ARL5A: variants seen among roughly 807,000 people sequenced by gnomAD.
ARL5A encodes the protein ARF like GTPase 5A.
Under a neutral mutation model 25.9 loss-of-function variants are expected in ARL5A, and 18 were observed. The observed-to-expected ratio is 0.69, with a 90% CI of 0.48 to 1.03. The LOEUF is 1.03. ARL5A is among the 50% of genes least tolerant of loss of function. The probability of loss-of-function intolerance (pLI) is 0.00; values close to 1 mark genes in which losing one functional copy is unlikely to be tolerated. For synonymous variants in ARL5A, 61 were observed against 67.5 expected, an observed-to-expected ratio of 0.90 and a Z score of 0.47; for missense variants, 170 against 211.9, an observed-to-expected ratio of 0.80 and a Z score of 1.23.
intron 1 of ARL5A, among the ~76,000 whole-genome samples, chr2:151,826,360 T>G (rs1189695997): frequency 6.6e-6 from 1 of 152,194 alleles, no homozygotes; most frequent in Non-Finnish European, 1.5e-5. Context: ...AAATACAGGT[T>G]ATAAAAACAC....
chr2:151,828,330 C>G lies in ARL5A; in HGVS notation c.-154G>C, dbSNP rs866931636. 3.2e-6 allele frequency: 2 copies of G among 631,564 alleles called. No individual in the cohort carries two copies. Among genetic ancestry groups the G allele is most frequent in the Non-Finnish European group, 5.1e-6 (2 of 390,650 alleles). 39.1% of individuals were successfully genotyped at this position (631,564 alleles called of 1,614,324 possible). A position where few individuals can be genotyped will look rare whatever the true frequency, so the allele number is the denominator to read the frequency against. The stretch of plus-strand genomic sequence containing the variant: ...CCGCTTCCAGGGAACCGGAGGGAGG[C>G]CGAAGCCCAGGCCGCCCTGCCGCGC... On this transcript the variant is annotated 5_prime_UTR_variant, in exon 1 of 6. Transcript: ENST00000295087.
intron 2 of ARL5A, 51 bp from the exon 3 acceptor site, chr2:151,814,367 TTG>T: frequency 7.1e-7 from 1 of 1,410,396 alleles, no homozygotes; most frequent in African/African-American, 1.5e-5. Context: ...GCTAACTTGC[TTG>T]AACAATTTTT....
chr2:151,808,930 C>T (rs1317446225), intron 4 of ARL5A, among the ~76,000 whole-genome samples: 4 of 152,168 alleles, frequency 2.6e-5, no homozygotes, highest in Non-Finnish European at 4.4e-5. Context: ...CACCTGTACT[C>T]TCAGCTACTT....
chr2:151,809,750 G>A (rs2099830574), intron 4 of ARL5A, among the ~76,000 whole-genome samples: 1 of 152,136 alleles, frequency 6.6e-6, no homozygotes, highest in Non-Finnish European at 1.5e-5. Flanking sequence ...CATTTACTTA[G>A]CATCTTCTAT....
At chr2:151,820,794 G>A (rs72868004) in intron 1 of ARL5A, among the ~76,000 whole-genome samples, 6,076 of 151,560 alleles carry the variant, frequency 0.04, 193 homozygotes, top group Non-Finnish European at 0.061. Context: ...GGCCGGGAAA[G>A]AAATCCAGTC....
chr2:151,806,666 A>T (rs2099830156), intron 5 of ARL5A, among the ~76,000 whole-genome samples, 155 bp downstream of exon 5: 1 of 152,190 alleles, frequency 6.6e-6, no homozygotes, highest in African/African-American at 2.4e-5. Flanking sequence ...GAACCACCCT[A>T]AAAAGTCTCT....
At chr2:151,818,399 C>G (rs112210950) in intron 1 of ARL5A, among the ~76,000 whole-genome samples, 295 of 152,310 alleles carry the variant, frequency 1.9e-3, no homozygotes, top group African/African-American at 6.8e-3. Flanking sequence ...CCACCTCACC[C>G]TCCTGAGTAG....
At chr2:151,808,299 C>A (rs2099830353) in intron 4 of ARL5A, among the ~76,000 whole-genome samples, 2 of 152,094 alleles carry the variant, frequency 1.3e-5, no homozygotes, top group South Asian at 4.1e-4. Flanking sequence ...AGGGATTTTA[C>A]TGAGATATTT....
At chr2:151,820,788 G>A (rs1432907340) in intron 1 of ARL5A, among the ~76,000 whole-genome samples, 2 of 151,892 alleles carry the variant, frequency 1.3e-5, no homozygotes, top group Non-Finnish European at 2.9e-5. Flanking sequence ...AATTTGGGCC[G>A]GGAAAGAAAT....
intron 1 of ARL5A, among the ~76,000 whole-genome samples, chr2:151,818,651 C>T (rs150401441): frequency 7.9e-4 from 121 of 152,310 alleles, no homozygotes; most frequent in African/African-American, 2.6e-3. Flanking sequence ...GGTACCTTTG[C>T]ACCTAGAAAG....
intron 4 of ARL5A, 32 bp downstream of exon 4, chr2:151,812,325 C>T (rs2099830953): frequency 7.0e-7 from 1 of 1,426,350 alleles, no homozygotes; most frequent in African/African-American, 1.4e-5. Flanking sequence ...ATACCCTTCC[C>T]CATATCTAAT....
chr2:151,819,315 G>A (rs1030813884), intron 1 of ARL5A, among the ~76,000 whole-genome samples: 7 of 152,162 alleles, frequency 4.6e-5, no homozygotes, highest in African/African-American at 1.7e-4. Flanking sequence ...ATTGCTTTCA[G>A]AGCCTGAGGT....
rs72621645 is a variant in ARL5A at position 151,815,326 on chromosome 2, C to T, written c.47-127G>A. 8.9e-4 allele frequency: 633 copies of T among 709,044 alleles called. 7 individuals are homozygous for T. The East Asian group carries it at 0.018, about 20-fold the overall frequency. The allele number at this position is 709,044 out of a possible 1,614,324, so 43.9% of individuals were successfully genotyped here. On this transcript the variant is annotated intron_variant, in intron 1 of 5. Transcript: ENST00000295087. ...ATAATTCAGTGCATGGCACTTTATA[C>T]TTTCTCAGAAGTCAAAAGAACATCC...
At chr2:151,822,022 G>T (rs1412778421) in intron 1 of ARL5A, among the ~76,000 whole-genome samples, 1 of 151,866 alleles carries the variant, frequency 6.6e-6, no homozygotes, top group Admixed American at 6.6e-5. Context: ...GCTAATTTTT[G>T]TATTTTTAGT....
chr2:151,809,282 A>G (rs2099830507), intron 4 of ARL5A, among the ~76,000 whole-genome samples: 1 of 152,182 alleles, frequency 6.6e-6, no homozygotes, highest in Non-Finnish European at 1.5e-5. Flanking sequence ...TATTATAAGT[A>G]ATCTGTATTC....
intron 4 of ARL5A, 120 bp downstream of exon 4, chr2:151,812,237 G>T: frequency 1.7e-6 from 1 of 597,966 alleles, no homozygotes. Flanking sequence ...AGTGTGGCCC[G>T]CAAATAACTA....
chr2:151,823,031 A>T (rs1180860512), intron 1 of ARL5A, among the ~76,000 whole-genome samples: 1 of 152,236 alleles, frequency 6.6e-6, no homozygotes, highest in Non-Finnish European at 1.5e-5. Flanking sequence ...TGAATCATAC[A>T]ACATCAGAAA....
Position 151,828,204 on chromosome 2 carries a change from G to GAC in ARL5A, c.-30_-29dup, listed in dbSNP as rs2099833361. Reference sequence around the variant, plus strand: ...TCGGGCAGCGGACCCCCCCCCTCCAGACACCCGGGCCGCCTGGCTTCCCCC... The same window carrying GAC: ...TCGGGCAGCGGACCCCCCCCCTCCAGACACACCCGGGCCGCCTGGCTTCCCCC... On this transcript the variant is annotated 5_prime_UTR_variant, in exon 1 of 6. Coordinates refer to ENST00000295087, the MANE Select transcript of ARL5A (RefSeq NM_012097.4). The GAC allele has an allele frequency of 6.3e-7, 1 of 1,597,280 alleles. No individual in the cohort carries two copies. The highest frequency in any genetic ancestry group is 1.7e-5 in the Admixed American group (1 of 58,800).
At position 151,814,310 on chromosome 2, in the gene ARL5A, C is replaced by G; in HGVS notation, c.114G>C (p.Met38Ile). 6.5e-7 allele frequency: 1 copy of G among 1,548,778 alleles called. No homozygotes were observed. Among genetic ancestry groups the G allele is most frequent in the South Asian group, 1.2e-5 (1 of 80,630 alleles). ...GKTTILYQFS[M>I]NEVVHTSPTI... ...TAGGAGATGTATGTACAACTTCATT[C>G]ATAGAACTGGGGAAAAAAGTTTATA... Residue 38 changes from methionine to isoleucine, a missense_variant, in exon 3 of 6, where the codon ATG becomes ATC. By Grantham distance (10) the Met-to-Ile change is conservative. Transcript: ENST00000295087.
Sources: allele counts gnomAD v4.1 joint callset (sites outside exome capture counted in the v4.1 genomes callset), GRCh38; gene constraint gnomAD v4.1.1; transcripts MANE v1.5; gene names NCBI Gene and HGNC (gene_info 2026-07-23, HGNC 2026-07-21).